The following ERC1 variants were observed in gnomAD, a reference collection of about 807,000 sequenced individuals.
ERC1 encodes the protein ELKS/RAB6-interacting/CAST family member 1, also known as RAB6 interacting protein 2.
ERC1 carries 56 observed loss-of-function variants against 132.0 expected under a neutral mutation model. The observed-to-expected ratio is 0.42, with a 90% CI of 0.34 to 0.53. The LOEUF is 0.53. ERC1 is among the 20% of genes least tolerant of loss of function. The probability of loss-of-function intolerance (pLI) is 0.03; values close to 1 mark genes in which losing one functional copy is unlikely to be tolerated. For synonymous variants in ERC1, 478 were observed against 476.1 expected (o/e 1.00, Z -0.05); for missense variants, 1,202 against 1,349.9 (o/e 0.89, Z 1.72).
chr12:1,415,688 T>C (rs1219689613), intron 17 of ERC1, among the ~76,000 whole-genome samples: 1 of 152,212 alleles, frequency 6.6e-6, no homozygotes, highest in Non-Finnish European at 1.5e-5. Flanking sequence ...TTTCTTGGTA[T>C]GGAGAAAATG....
At position 1,243,595 on chromosome 12, in the gene ERC1, G is replaced by A. The variant is rs192072111; in HGVS notation, c.2487+6691G>A. 5.9e-5 allele frequency among the ~76,000 whole-genome samples: 9 copies of A among 152,332 alleles called. No homozygotes were observed. The East Asian group carries it at 1.7e-3, about 29-fold the overall frequency. On this transcript the variant is annotated intron_variant, in intron 13 of 18. Coordinates refer to ENST00000360905, the MANE Select transcript of ERC1 (RefSeq NM_178040.4). ...TAATTTTTCCGGTAGGATTTTGTGAGAAATTTGCCTCGTGTTACTTCATTT... is the reference window on the plus strand; with the variant it reads ...TAATTTTTCCGGTAGGATTTTGTGAAAAATTTGCCTCGTGTTACTTCATTT...
intron 12 of ERC1, among the ~76,000 whole-genome samples, chr12:1,224,743 G>A (rs185192007): frequency 6.6e-6 from 1 of 152,274 alleles, no homozygotes; most frequent in African/African-American, 2.4e-5. Flanking sequence ...CACTTTGGGA[G>A]GCTGAGGCTG....
At chr12:1,203,360 C>T (rs1164569969) in intron 12 of ERC1, among the ~76,000 whole-genome samples, 1 of 152,174 alleles carries the variant, frequency 6.6e-6, no homozygotes, top group Non-Finnish European at 1.5e-5. Context: ...GCCTGCCCGG[C>T]TGCTACATTC....
chr12:1,299,895 A>G (rs1437734637), intron 15 of ERC1, among the ~76,000 whole-genome samples: 1 of 152,212 alleles, frequency 6.6e-6, no homozygotes, highest in East Asian at 1.9e-4. Context: ...AAGTCTTTGA[A>G]AAATACAATT....
chr12:1,042,425 A>G (rs1376680641), intron 2 of ERC1, among the ~76,000 whole-genome samples: 2 of 140,600 alleles, frequency 1.4e-5, no homozygotes, highest in Non-Finnish European at 3.0e-5. Context: ...GGCTCACTGT[A>G]ACCTCCACCT....
intron 15 of ERC1, among the ~76,000 whole-genome samples, chr12:1,343,999 A>T (rs1398318938): frequency 6.6e-6 from 1 of 151,828 alleles, no homozygotes; most frequent in East Asian, 1.9e-4. Flanking sequence ...CCACCACTGC[A>T]CCCGGCTAAT....
intron 15 of ERC1, among the ~76,000 whole-genome samples, chr12:1,305,319 A>G (rs183228567): frequency 2.0e-4 from 31 of 152,270 alleles, no homozygotes; most frequent in African/African-American, 7.5e-4. Context: ...CCCATAGCCT[A>G]AGAGTCTTTG....
At chr12:1,470,943 A>G (rs2093847977) in intron 18 of ERC1, among the ~76,000 whole-genome samples, 1 of 152,336 alleles carries the variant, frequency 6.6e-6, no homozygotes, top group East Asian at 1.9e-4. Context: ...GGACATTTCT[A>G]TACAAGAGAT....
chr12:1,357,370 T>C (rs575497721), intron 15 of ERC1, among the ~76,000 whole-genome samples: 1 of 152,320 alleles, frequency 6.6e-6, no homozygotes. Flanking sequence ...GGTATGGACA[T>C]GCTATCCATC....
chr12:1,133,160 T>G (rs560596797), intron 7 of ERC1, among the ~76,000 whole-genome samples: 43 of 2,674 alleles, frequency 0.016, no homozygotes, highest in African/African-American at 0.017. Context: ...ACCTGGCCGG[T>G]TTTTTTTTGT....
At chr12:1,142,931 C>T (rs1237425853) in intron 8 of ERC1, among the ~76,000 whole-genome samples, 2 of 152,198 alleles carry the variant, frequency 1.3e-5, no homozygotes, top group African/African-American at 4.8e-5. Flanking sequence ...TGGAGTCTCA[C>T]TTTGTCGCCC....
At chr12:1,385,082 GACCCA>G (rs760810030) in intron 16 of ERC1, among the ~76,000 whole-genome samples, 33 of 152,266 alleles carry the variant, frequency 2.2e-4, no homozygotes, top group African/African-American at 6.7e-4. Flanking sequence ...TGTCTCCTGA[GACCCA>G]GGTTATAAAA....
chr12:1,265,745 C>T lies in ERC1; in HGVS notation c.2619+2580C>T, dbSNP rs566055470. ...TTATTCCTTCCCCGTCTCCCCAGTC[C>T]GTGATCTTTTTACTGCCTCTGTAGT... On this transcript the variant is annotated intron_variant, in intron 14 of 18. Transcript: ENST00000360905. 9.2e-5 allele frequency among the ~76,000 whole-genome samples: 14 copies of T among 152,250 alleles called. No individual in the cohort carries two copies. In the East Asian group the frequency reaches 1.7e-3, roughly 19 times the overall value.
intron 12 of ERC1, among the ~76,000 whole-genome samples, chr12:1,195,958 C>T (rs1431900839): frequency 7.2e-6 from 1 of 139,404 alleles, no homozygotes; most frequent in East Asian, 2.3e-4. Context: ...AGGATCAATG[C>T]TGCTGAAAGC....
chr12:1,463,803 T>C (rs1315606754), intron 18 of ERC1, among the ~76,000 whole-genome samples: 1 of 151,824 alleles, frequency 6.6e-6, no homozygotes, highest in African/African-American at 2.4e-5. Flanking sequence ...TCTGGCACTT[T>C]CTTCTTCTGT....
chr12:1,141,406 T>C (rs372162401), intron 7 of ERC1, among the ~76,000 whole-genome samples: 1 of 152,188 alleles, frequency 6.6e-6, no homozygotes, highest in Non-Finnish European at 1.5e-5. Context: ...ATGATTCTGA[T>C]GTGCATGAAG....
At chr12:1,318,993 G>A (rs1215170476) in intron 15 of ERC1, among the ~76,000 whole-genome samples, 1 of 152,166 alleles carries the variant, frequency 6.6e-6, no homozygotes, top group Non-Finnish European at 1.5e-5. Context: ...AGAGGTTATG[G>A]AAAAGCATTT....
At chr12:1,353,458 C>A (rs1302790476) in intron 15 of ERC1, among the ~76,000 whole-genome samples, 1 of 152,156 alleles carries the variant, frequency 6.6e-6, no homozygotes, top group Non-Finnish European at 1.5e-5. Context: ...AGAGACAGCT[C>A]TTTCAGTCTT....
chr12:1,191,973 G>GA (rs763300203), intron 12 of ERC1, among the ~76,000 whole-genome samples: 3 of 152,206 alleles, frequency 2.0e-5, no homozygotes, highest in Non-Finnish European at 4.4e-5. Context: ...TTGTGAAAGT[G>GA]ATCGAGCATG....
Sources: allele counts gnomAD v4.1 joint callset (sites outside exome capture counted in the v4.1 genomes callset), GRCh38; gene constraint gnomAD v4.1.1; transcripts MANE v1.5; gene names NCBI Gene and HGNC (gene_info 2026-07-23, HGNC 2026-07-21).